The following GSN variants were observed in gnomAD, a reference collection of about 807,000 sequenced individuals.
GSN encodes the protein actin-depolymerizing factor.
In GSN, 56 loss-of-function variants were observed where a neutral mutation model predicts 85.7. The observed-to-expected ratio is 0.65, with a 90% CI of 0.53 to 0.82. The LOEUF (loss-of-function observed/expected upper bound fraction) is 0.82, where lower values mean the gene tolerates loss of function less well. GSN is among the 40% of genes least tolerant of loss of function. The probability of loss-of-function intolerance (pLI) is 0.00; values close to 1 mark genes in which losing one functional copy is unlikely to be tolerated. For missense variants in GSN, 857 were observed against 979.8 expected (o/e 0.87, Z 1.67); for synonymous variants, 373 against 399.1 (o/e 0.93, Z 0.78).
intron 6 of GSN, 145 bp from the exon 7 acceptor site, chr9:121,313,789 T>C: frequency 1.4e-6 from 1 of 713,668 alleles, no homozygotes; most frequent in African/African-American, 1.7e-5. Context: ...TGTGAGCAGA[T>C]GCAGGATGTG....
At chr9:121,328,336 G>A (rs548690912) in intron 14 of GSN, among the ~76,000 whole-genome samples, 4 of 152,302 alleles carry the variant, frequency 2.6e-5, no homozygotes, top group Admixed American at 6.5e-5. Flanking sequence ...TGTATCTGCC[G>A]AGTCCAATTT....
intron 5 of GSN, among the ~76,000 whole-genome samples, chr9:121,241,091 A>T (rs2132197046): frequency 6.6e-6 from 1 of 152,388 alleles, no homozygotes; most frequent in South Asian, 2.1e-4. Flanking sequence ...TGCCATACAG[A>T]TCAATTAGAA....
chr9:121,309,025 G>T (rs1331044317), intron 4 of GSN: 2 of 152,298 alleles, frequency 1.3e-5, no homozygotes, highest in African/African-American at 4.8e-5. Context: ...CTGAGTGGAA[G>T]CCCTCTGCTT....
At chr9:121,324,465 G>C (rs888534406) in intron 11 of GSN, 89 bp from the exon 12 acceptor site, 3 of 721,502 alleles carry the variant, frequency 4.2e-6, no homozygotes, top group Non-Finnish European at 5.0e-6. Context: ...CTGGTAACAG[G>C]GAGATGTGTA....
At chr9:121,313,788 A>T (rs763972756) in intron 6 of GSN, 146 bp from the exon 7 acceptor site, 44 of 711,054 alleles carry the variant, frequency 6.2e-5, no homozygotes, top group South Asian at 4.0e-4. Context: ...ATGTGAGCAG[A>T]TGCAGGATGT....
intron 2 of GSN, chr9:121,286,171 AATTC>A: frequency 6.5e-7 from 1 of 1,534,438 alleles, no homozygotes; most frequent in Non-Finnish European, 8.7e-7. Context: ...CCTCAGGGGC[AATTC>A]TGACCCATGG....
intron 13 of GSN, chr9:121,327,083 C>A: frequency 2.9e-6 from 2 of 696,100 alleles, no homozygotes; most frequent in Non-Finnish European, 5.3e-6. Context: ...TCTGTTAATG[C>A]AGCCCTGATT....
chr9:121,306,235 A>G (rs1458395495), intron 4 of GSN, among the ~76,000 whole-genome samples: 1 of 152,234 alleles, frequency 6.6e-6, no homozygotes, highest in Admixed American at 6.5e-5. Flanking sequence ...GGGAACCCAT[A>G]GAATCACTGG....
At chr9:121,302,460 G>A (rs1203596129) in intron 3 of GSN, among the ~76,000 whole-genome samples, 3 of 152,132 alleles carry the variant, frequency 2.0e-5, no homozygotes, top group African/African-American at 7.2e-5. Context: ...ACACCTTACT[G>A]TGACACTCAG....
intron 6 of GSN, among the ~76,000 whole-genome samples, chr9:121,256,313 G>A (rs1023360297): frequency 7.9e-5 from 12 of 152,174 alleles, no homozygotes; most frequent in African/African-American, 2.9e-4. Context: ...AAAAGAAAAC[G>A]TGATGTATAT....
intron 1 of GSN, among the ~76,000 whole-genome samples, chr9:121,272,117 G>C (rs146843462): frequency 6.2e-4 from 94 of 152,336 alleles, no homozygotes; most frequent in African/African-American, 2.2e-3. Flanking sequence ...CGGAGTGAGC[G>C]TGTGTCATAT....
chr9:121,304,983 G>A (rs996939870), intron 4 of GSN, among the ~76,000 whole-genome samples: 2 of 152,192 alleles, frequency 1.3e-5, no homozygotes, highest in African/African-American at 4.8e-5. Context: ...TCTGAGAGGG[G>A]TTCAGGGATG....
chr9:121,278,947 C>T (rs919205302), intron 1 of GSN, among the ~76,000 whole-genome samples: 6 of 152,194 alleles, frequency 3.9e-5, no homozygotes, highest in African/African-American at 9.6e-5. Context: ...TGTGTGTGCA[C>T]GTGCACGTAT....
intron 1 of GSN, among the ~76,000 whole-genome samples, chr9:121,270,454 G>A (rs536645405): frequency 6.6e-6 from 1 of 152,280 alleles, no homozygotes; most frequent in African/African-American, 2.4e-5. Flanking sequence ...CTAGAGCAGT[G>A]GCCACTGGGA....
chr9:121,238,930 C>T (rs897036505), intron 5 of GSN: 61 of 536,966 alleles, frequency 1.1e-4, no homozygotes, highest in Admixed American at 3.1e-4. Flanking sequence ...CATCCCTTCT[C>T]CAATAGCAGA....
intron 6 of GSN, among the ~76,000 whole-genome samples, chr9:121,263,050 A>C (rs535663628): frequency 1.8e-4 from 27 of 152,336 alleles, no homozygotes; most frequent in African/African-American, 5.5e-4. Flanking sequence ...TGAGATATAC[A>C]CATAAATGGA....
Position 121,318,513 on chromosome 9 carries a change from G to T in GSN, c.975+19G>T, listed in dbSNP as rs1325413081. On this transcript the variant is annotated intron_variant, in intron 9 of 17. Coordinates refer to ENST00000432226, the MANE Select transcript of GSN (RefSeq NM_198252.3). This position sits in a 1 kb window ranked among gnomAD's most constrained non-coding sequence, Gnocchi z 4.3. The stretch of plus-strand genomic sequence containing the variant: ...GACTCAGGTGAGTCTTGGAGGCCAG[G>T]TAGGATGGGAAGGGGTGGGTCCTGT... 1 of 1,593,102 alleles carries T rather than the reference G, an allele frequency of 6.3e-7. No homozygotes were observed. Among genetic ancestry groups the T allele is most frequent in the Non-Finnish European group, 8.6e-7 (1 of 1,160,888 alleles).
At chr9:121,309,064 G>A (rs1257720073) in intron 4 of GSN, 3 of 152,256 alleles carry the variant, frequency 2.0e-5, no homozygotes, top group African/African-American at 4.8e-5. Flanking sequence ...GGAGCAGGGA[G>A]ACGAGCACCC....
In GSN at chr9:121,228,740, T is replaced by A. The variant is rs186342526; in HGVS notation, c.-527-2425T>A. On this transcript the variant is annotated intron_variant, in intron 4 of 24. Transcript: ENST00000373823. ...GTGCCCGGCCCTTAGCCCTTTATTT[T>A]AAAAAAATTCAGATAAACAGACAAG... 7.2e-5 allele frequency among the ~76,000 whole-genome samples: 11 copies of A among 152,106 alleles called. No homozygotes were observed. The Middle Eastern group carries it at 0.014, about 188-fold the overall frequency.
Sources: allele counts gnomAD v4.1 joint callset (sites outside exome capture counted in the v4.1 genomes callset), GRCh38; gene constraint gnomAD v4.1.1; non-coding constraint Gnocchi (gnomAD v3.1); transcripts MANE v1.5; gene names NCBI Gene and HGNC (gene_info 2026-07-23, HGNC 2026-07-21).